KATNIP: variants seen among roughly 807,000 people sequenced by gnomAD.
KATNIP encodes katanin interacting protein, also known as katanin-interacting protein.
KATNIP carries 126 observed loss-of-function variants against 174.0 expected under a neutral mutation model. The observed-to-expected ratio is 0.72, with a 90% CI of 0.63 to 0.84. The LOEUF is 0.84. Ranked by LOEUF, KATNIP falls within the 40% of genes least tolerant of loss-of-function variation. The pLI, the probability that KATNIP is intolerant of heterozygous loss-of-function variation, is 0.00. For synonymous variants in KATNIP, 810 were observed against 835.7 expected, an observed-to-expected ratio of 0.97 and a Z score of 0.53; for missense variants, 1,958 against 2,109.7, an observed-to-expected ratio of 0.93 and a Z score of 1.41.
intron 2 of KATNIP, among the ~76,000 whole-genome samples, chr16:27,601,816 G>A (rs952770086): frequency 6.6e-6 from 1 of 152,182 alleles, no homozygotes; most frequent in Non-Finnish European, 1.5e-5. Context: ...TCAGGGGGCC[G>A]GCAGCAGCCC....
chr16:27,599,548 T>G (rs2075446044), intron 2 of KATNIP, among the ~76,000 whole-genome samples: 1 of 152,184 alleles, frequency 6.6e-6, no homozygotes, highest in Non-Finnish European at 1.5e-5. Context: ...GGAATCATCC[T>G]TATAGACCCT....
At chr16:27,754,049 A>G in intron 17 of KATNIP, 124 bp from the exon 18 acceptor site, 2 of 784,290 alleles carry the variant, frequency 2.6e-6, no homozygotes, top group East Asian at 2.5e-5. Context: ...AATCCAGGAA[A>G]ACACACAAGG....
chr16:27,690,921 A>T (rs1319999771), intron 8 of KATNIP, among the ~76,000 whole-genome samples: 2 of 152,154 alleles, frequency 1.3e-5, no homozygotes, highest in Non-Finnish European at 2.9e-5. Flanking sequence ...GATGCCAGGA[A>T]TCCCAATTTT....
intron 2 of KATNIP, among the ~76,000 whole-genome samples, chr16:27,588,416 A>C (rs1413771997): frequency 6.6e-6 from 1 of 152,130 alleles, no homozygotes; most frequent in Non-Finnish European, 1.5e-5. Flanking sequence ...AGAGGTTTTC[A>C]CATGTCCCCT....
chr16:27,738,682 G>T lies in KATNIP; in HGVS notation c.1744-1359G>T, dbSNP rs181338676. Reference sequence around the variant, plus strand: ...CATCGGCATGGTTCTGCACCCCGTCGTGTGAAGAAATCATCCGGAGAACTT... The same window carrying T: ...CATCGGCATGGTTCTGCACCCCGTCTTGTGAAGAAATCATCCGGAGAACTT... On this transcript the variant is annotated intron_variant, in intron 14 of 27. Transcript: ENST00000261588. Among the ~76,000 whole-genome samples the T allele has an allele frequency of 2.0e-4, 31 of 152,294 alleles. No individual in the cohort carries two copies. In the East Asian group the frequency reaches 5.2e-3, roughly 26 times the overall value.
chr16:27,619,766 AACAG>A (rs1596956808), intron 3 of KATNIP, among the ~76,000 whole-genome samples: 1 of 152,106 alleles, frequency 6.6e-6, no homozygotes, highest in African/African-American at 2.4e-5. Context: ...AGATCTTCGG[AACAG>A]ACAATCTCTC....
chr16:27,589,880 C>A (rs1293524848), intron 2 of KATNIP, among the ~76,000 whole-genome samples: 3 of 151,996 alleles, frequency 2.0e-5, no homozygotes, highest in African/African-American at 7.2e-5. Context: ...GCAACCTTTG[C>A]CTCCCTCCTG....
rs1220825953 is a variant in KATNIP at position 27,599,850 on chromosome 16, T to C, written c.64-18575T>C. On this transcript the variant is annotated intron_variant, in intron 2 of 27. Transcript: ENST00000261588. ...TCCGCCTCAGTCCCGTGTCAGTCTC[T>C]GTCCCACGTGCCTGCCTTGTCCCTT... Among the ~76,000 whole-genome samples the C allele has an allele frequency of 7.9e-5, 12 of 152,354 alleles. No homozygotes were observed. The East Asian group carries it at 2.1e-3, about 27-fold the overall frequency.
chr16:27,762,862 C>T (rs981859258), intron 19 of KATNIP, among the ~76,000 whole-genome samples: 1 of 152,224 alleles, frequency 6.6e-6, no homozygotes, highest in Admixed American at 6.5e-5. Context: ...GATCAACGCA[C>T]AGTGCGGCTT....
chr16:27,650,152 G>A (rs1175580672), intron 6 of KATNIP, among the ~76,000 whole-genome samples: 2 of 145,854 alleles, frequency 1.4e-5, no homozygotes, highest in South Asian at 2.3e-4. Context: ...CAGCCTGGGC[G>A]ACAGAGTGAA....
chr16:27,657,241 G>A (rs2077327828), intron 6 of KATNIP, among the ~76,000 whole-genome samples: 1 of 152,246 alleles, frequency 6.6e-6, no homozygotes, highest in Admixed American at 6.5e-5. Flanking sequence ...AGGAAAAAGT[G>A]GGAGGGGAGA....
chr16:27,614,734 A>G (rs1486376573), intron 2 of KATNIP, among the ~76,000 whole-genome samples: 1 of 152,242 alleles, frequency 6.6e-6, no homozygotes, highest in Non-Finnish European at 1.5e-5. Flanking sequence ...CAGAGATGTC[A>G]GAATAGGAGA....
intron 8 of KATNIP, among the ~76,000 whole-genome samples, chr16:27,694,632 C>CA (rs1555475463): frequency 1.3e-5 from 2 of 151,708 alleles, no homozygotes; most frequent in Non-Finnish European, 2.9e-5. Flanking sequence ...CCCGTCTCTA[C>CA]AAAAAATACA....
chr16:27,554,234 T>C (rs1398241747), intron 1 of KATNIP, among the ~76,000 whole-genome samples: 2 of 152,186 alleles, frequency 1.3e-5, no homozygotes, highest in East Asian at 3.9e-4. Context: ...GAGGCCAAGG[T>C]GGGCGATCAC....
At chr16:27,625,323 C>T (rs2076301492) in intron 3 of KATNIP, among the ~76,000 whole-genome samples, 1 of 152,146 alleles carries the variant, frequency 6.6e-6, no homozygotes. Context: ...TAGCTGGATG[C>T]CGTGACTGTT....
intron 20 of KATNIP, 97 bp from the exon 21 acceptor site, chr16:27,769,764 G>A: frequency 6.9e-7 from 1 of 1,452,142 alleles, no homozygotes; most frequent in Non-Finnish European, 9.5e-7. Flanking sequence ...GCTCCCCATG[G>A]TGAGCACAGC....
intron 2 of KATNIP, among the ~76,000 whole-genome samples, chr16:27,594,512 C>T (rs558140789): frequency 6.6e-6 from 1 of 151,948 alleles, no homozygotes; most frequent in Non-Finnish European, 1.5e-5. Context: ...ACTTGAAAGT[C>T]ACCTCGGCCC....
chr16:27,662,063 T>TACACACATAC lies in KATNIP; in HGVS notation c.540+13329_540+13330insCACACATACA, dbSNP rs2077538520. ...ATATACACATACATATATATATATA[T>TACACACATAC]ATATATATACACACATATATATATA... On this transcript the variant is annotated intron_variant, in intron 6 of 27. Coordinates refer to ENST00000261588, the MANE Select transcript of KATNIP (RefSeq NM_015202.5). Among the ~76,000 whole-genome samples, 29 of 97,846 alleles carry TACACACATAC rather than the reference T, an allele frequency of 3.0e-4. 8 individuals carry two copies. The highest frequency in any genetic ancestry group is 7.2e-4 in the Admixed American group (6 of 8,366). 64.2% of individuals were successfully genotyped at this position (97,846 alleles called of 152,430 possible). A position where few individuals can be genotyped will look rare whatever the true frequency, so the allele number is the denominator to read the frequency against.
At chr16:27,732,892 A>G (rs1470150161) in intron 14 of KATNIP, among the ~76,000 whole-genome samples, 2 of 152,180 alleles carry the variant, frequency 1.3e-5, no homozygotes, top group Non-Finnish European at 2.9e-5. Context: ...GTGCCAGTAA[A>G]TGTTCCCAGC....
Sources: allele counts gnomAD v4.1 joint callset (sites outside exome capture counted in the v4.1 genomes callset), GRCh38; gene constraint gnomAD v4.1.1; transcripts MANE v1.5; gene names NCBI Gene and HGNC (gene_info 2026-07-23, HGNC 2026-07-21).